Variants in PIAS4 observed in about 807,000 individuals in gnomAD.
The protein encoded by PIAS4 is E3 SUMO-protein ligase PIAS4.
In PIAS4, 7 loss-of-function variants were observed where a neutral mutation model predicts 58.0. That is an observed-to-expected ratio of 0.12 (90% CI 0.07 to 0.23). The LOEUF is 0.23. Ranked by LOEUF, PIAS4 falls within the 10% of genes least tolerant of loss-of-function variation. The pLI, the probability that PIAS4 is intolerant of heterozygous loss-of-function variation, is 1.00. For synonymous variants in PIAS4, 364 were observed against 312.4 expected (o/e 1.17, Z -1.74); for missense variants, 550 against 709.5 (o/e 0.78, Z 2.55).
Position 4,037,602 on chromosome 19 carries a change from C to T in PIAS4, c.1274-14C>T. On this transcript the variant is annotated splice_polypyrimidine_tract_variant and intron_variant, in intron 10 of 10. Transcript: ENST00000262971. The surrounding 1 kb of genome is among the most constrained non-coding windows in gnomAD (Gnocchi z 5.8). ...GCATCCTAAGTACCTGCACCCTGTC[C>T]CTGTTGCCCGTAGGCCCCTCGGACG... is the stretch of plus-strand genomic sequence containing the variant. 1 of 1,608,966 alleles carries T rather than the reference C, an allele frequency of 6.2e-7. No homozygotes were observed. The highest frequency in any genetic ancestry group is 2.2e-5 in the East Asian group (1 of 44,866).
intron 1 of PIAS4, among the ~76,000 whole-genome samples, chr19:4,008,927 CTCTATTATACTTTGGG>C (rs959418900): frequency 6.6e-6 from 1 of 152,196 alleles, no homozygotes; most frequent in African/African-American, 2.4e-5. Context: ...GTTGCTGCTG[CTCTATTATACTTTGGG>C]TCCTGTCCAG....
At position 4,028,913 on chromosome 19, in the gene PIAS4, C is replaced by T; in HGVS notation, c.802-18C>T. 6.2e-7 allele frequency: 1 copy of T among 1,612,288 alleles called. No individual in the cohort carries two copies. The highest frequency in any genetic ancestry group is 2.2e-5 in the East Asian group (1 of 44,846). ...CGGCCCCGTCCTGCCAGCCCTGACCCCTTCCTTCTGTCCCCAGAGCTACTC... is the reference window on the plus strand; with the variant it reads ...CGGCCCCGTCCTGCCAGCCCTGACCTCTTCCTTCTGTCCCCAGAGCTACTC... On this transcript the variant is annotated intron_variant, in intron 6 of 10. Coordinates refer to ENST00000262971, the MANE Select transcript of PIAS4 (RefSeq NM_015897.4).
rs1401244859 is a variant in PIAS4, at chr19:4,013,135, C to A, written c.240C>A (p.Pro80=). Residue 80 remains proline, a synonymous_variant, in exon 2 of 11, where the codon CCC becomes CCA. Transcript: ENST00000262971. The surrounding 1 kb of genome is among the most constrained non-coding windows in gnomAD (Gnocchi z 5.1). The part of the protein sequence containing the change: ...NSEPAPQPHR[P]LDPLTMHSTY... Reference sequence around the variant, plus strand: ...AGCCTGCCCCACAGCCGCACCGGCCCCTGGACCCCCTGACCATGCACTCCA... The same window carrying A: ...AGCCTGCCCCACAGCCGCACCGGCCACTGGACCCCCTGACCATGCACTCCA... The A allele has an allele frequency of 6.2e-7, 1 of 1,613,308 alleles. No individual in the cohort carries two copies. The highest frequency in any genetic ancestry group is 1.7e-5 in the Admixed American group (1 of 60,000).
intron 7 of PIAS4, among the ~76,000 whole-genome samples, chr19:4,030,013 GGGGTTT>G (rs2040207912): frequency 6.6e-6 from 1 of 151,600 alleles, no homozygotes; most frequent in South Asian, 2.1e-4. Context: ...CAGTAGAGAC[GGGGTTT>G]CACCTTGTTA....
At position 4,037,430 on chromosome 19, in the gene PIAS4, T is replaced by C; in HGVS notation, c.1199T>C (p.Val400Ala). Residue 400 changes from valine to alanine, a missense_variant, in exon 10 of 11, where the codon GTG becomes GCG. Transcript: ENST00000262971. This position sits in a 1 kb window ranked among gnomAD's most constrained non-coding sequence, Gnocchi z 5.8. ...CEDADEIEYL[V>A]DGSWCPIRAE... is the part of the protein sequence containing the mutation. Reference sequence around the variant, plus strand: ...GACGCCGACGAGATCGAGTACCTGGTGGACGGCTCGTGGTGCCCGATCCGC... The same window carrying C: ...GACGCCGACGAGATCGAGTACCTGGCGGACGGCTCGTGGTGCCCGATCCGC... The C allele has an allele frequency of 1.2e-6, 2 of 1,611,586 alleles. No individual in the cohort carries two copies. The highest frequency in any genetic ancestry group is 1.7e-6 in the Non-Finnish European group (2 of 1,179,372).
rs8110933 is a variant in PIAS4 at position 4,037,082 on chromosome 19, T to C, written c.1143-292T>C. On this transcript the variant is annotated intron_variant, in intron 9 of 10. Coordinates refer to ENST00000262971, the MANE Select transcript of PIAS4 (RefSeq NM_015897.4). This position sits in a 1 kb window ranked among gnomAD's most constrained non-coding sequence, Gnocchi z 5.8. ...GCAGGGTGGGGAGGACCCCTGCAGC[T>C]GCCACACTCCCTGCTCTTGTGGGTA... Among the ~76,000 whole-genome samples, 112,218 of 152,132 alleles carry C rather than the reference T, an allele frequency of 0.74. 43,546 individuals carry two copies. The highest frequency in any genetic ancestry group is 0.86 in the East Asian group (4,416 of 5,138).
In PIAS4 at chr19:4,036,143, G is replaced by A. The variant is rs371362949; in HGVS notation, c.1143-1231G>A. Among the ~76,000 whole-genome samples, 24 of 29,210 alleles carry A rather than the reference G, an allele frequency of 8.2e-4. 1 individual carries two copies. The highest frequency in any genetic ancestry group is 3.4e-3 in the African/African-American group (17 of 5,006). The allele number at this position is 29,210 out of a possible 152,430, so 19.2% of individuals were successfully genotyped here. A position where few individuals can be genotyped will look rare whatever the true frequency, so the allele number is the denominator to read the frequency against. The stretch of plus-strand genomic sequence containing the variant: ...ATACAGTCCACACCGTCACACATCC[G>A]TACAGTCCACACCGTCATACAAACA... On this transcript the variant is annotated intron_variant, in intron 9 of 10. Coordinates refer to ENST00000262971, the MANE Select transcript of PIAS4 (RefSeq NM_015897.4).
intron 3 of PIAS4, among the ~76,000 whole-genome samples, chr19:4,027,464 TCTG>T (rs1329749947): frequency 6.6e-6 from 1 of 152,172 alleles, no homozygotes; most frequent in African/African-American, 2.4e-5. Context: ...TGTGGTCAGT[TCTG>T]CTGTGAACAT....
chr19:4,012,941 C>G lies in PIAS4; in HGVS notation c.46C>G (p.Arg16Gly). 6.2e-7 allele frequency: 1 copy of G among 1,612,764 alleles called. No homozygotes were observed. The highest frequency in any genetic ancestry group is 8.5e-7 in the Non-Finnish European group (1 of 1,179,244). Residue 16 changes from arginine to glycine, a missense_variant, in exon 2 of 11, where the codon CGA becomes GGA. Around this residue, in one of 4 missense-constraint regions of PIAS4, gnomAD observed 42 missense variants for 84.3 expected, o/e 0.50. Transcript: ENST00000262971. ...VEAKNMVMSF[R>G]VSDLQMLLGF... ...TCCTCAGAACATGGTGATGAGTTTTCGAGTCTCCGACCTTCAGATGCTCCT... is the reference window on the plus strand; with the variant it reads ...TCCTCAGAACATGGTGATGAGTTTTGGAGTCTCCGACCTTCAGATGCTCCT...
chr19:4,017,246 G>T (rs1189596071), intron 2 of PIAS4, among the ~76,000 whole-genome samples: 2 of 152,114 alleles, frequency 1.3e-5, no homozygotes, highest in Admixed American at 6.5e-5. Flanking sequence ...CAGATGGGGG[G>T]CTGCCAGCAG....
rs904958945 is a variant in PIAS4, at chr19:4,020,473, C to T, written c.455-3563C>T. 2.0e-5 allele frequency among the ~76,000 whole-genome samples: 3 copies of T among 151,354 alleles called. No individual in the cohort carries two copies. The East Asian group carries it at 5.9e-4, about 30-fold the overall frequency. ...GTCTCGTCTCCCGGCCACTGCAAGG[C>T]TGCCATTGTGGCCAGATTCTCGCTC... On this transcript the variant is annotated intron_variant, in intron 2 of 10. Transcript: ENST00000262971.
At chr19:4,022,655 C>A (rs539544762) in intron 2 of PIAS4, among the ~76,000 whole-genome samples, 3 of 151,826 alleles carry the variant, frequency 2.0e-5, no homozygotes, top group East Asian at 3.9e-4. Context: ...CGTGAGCCAC[C>A]GCGCCTGGCC....
chr19:4,022,305 T>G (rs2040117737), intron 2 of PIAS4, among the ~76,000 whole-genome samples: 1 of 152,120 alleles, frequency 6.6e-6, no homozygotes, highest in Non-Finnish European at 1.5e-5. Context: ...CTCACTGTCT[T>G]TTTGTTGTTC....
At chr19:4,018,011 C>T (rs1331235388) in intron 2 of PIAS4, among the ~76,000 whole-genome samples, 1 of 152,220 alleles carries the variant, frequency 6.6e-6, no homozygotes, top group African/African-American at 2.4e-5. Flanking sequence ...GGGGTTTCGT[C>T]ATGTTGACCA....
rs749989583 is a variant in PIAS4 at position 4,013,006 on chromosome 19, G to A, written c.111G>A (p.Glu37=). 1.1e-5 allele frequency: 17 copies of A among 1,613,562 alleles called. No homozygotes were observed. The highest frequency in any genetic ancestry group is 1.4e-5 in the Non-Finnish European group (16 of 1,179,992). ...GGAGTAAGAGTGGACTGAAGCACGA[G>A]CTCGTCACCAGGGCCCTCCAGCTGG... ...VGRSKSGLKH[E]LVTRALQLVQ... Residue 37 remains glutamate, a synonymous_variant, in exon 2 of 11, where the codon GAG becomes GAA. Transcript: ENST00000262971. The surrounding 1 kb of genome is among the most constrained non-coding windows in gnomAD (Gnocchi z 5.1).
intron 2 of PIAS4, among the ~76,000 whole-genome samples, chr19:4,020,447 T>C (rs12975232): frequency 0.15 from 23,408 of 152,108 alleles, 2,207 homozygotes; most frequent in Middle Eastern, 0.27. Flanking sequence ...GTCATCTCGT[T>C]GTCTCGTCTC....
chr19:4,025,052 C>T (rs1334098318), intron 3 of PIAS4, among the ~76,000 whole-genome samples: 2 of 152,232 alleles, frequency 1.3e-5, no homozygotes. Flanking sequence ...GCGTGAGCCA[C>T]TGCGCCTGGC....
Position 4,028,866 on chromosome 19 carries a change from T to C in PIAS4, c.801+18T>C, listed in dbSNP as rs1478504926. On this transcript the variant is annotated intron_variant, in intron 6 of 10. Transcript: ENST00000262971. The stretch of plus-strand genomic sequence containing the variant: ...ACGGCAAGGTGAGTGCGTGCCCGGG[T>C]GCCCACCCTGCCCCCCAACCCCGGC... 5 of 1,612,798 alleles carry C rather than the reference T, an allele frequency of 3.1e-6. No homozygotes were observed. The highest frequency in any genetic ancestry group is 1.3e-5 in the African/African-American group (1 of 74,896).
chr19:4,018,094 G>A (rs978476907), intron 2 of PIAS4, among the ~76,000 whole-genome samples: 5 of 152,248 alleles, frequency 3.3e-5, no homozygotes, highest in Non-Finnish European at 5.9e-5. Flanking sequence ...TTATAGGCGT[G>A]AGCCACCAGG....
Sources: gnomAD v4.1 joint callset for allele counts (sites outside exome capture counted in the v4.1 genomes callset) on GRCh38, gnomAD v4.1.1 for gene constraint, gnomAD v4.1.1 regional missense constraint, Gnocchi (gnomAD v3.1) non-coding constraint, MANE v1.5 for transcripts, NCBI Gene and HGNC (gene_info 2026-07-23, HGNC 2026-07-21) for gene names.